MGMT: variants seen among roughly 807,000 people sequenced by gnomAD.
MGMT encodes the protein methylated-DNA--protein-cysteine methyltransferase.
MGMT carries 14 observed loss-of-function variants against 15.9 expected under a neutral mutation model. The observed-to-expected ratio is 0.88, with a 90% CI of 0.58 to 1.37. The LOEUF is 1.37. MGMT is among the 40% of genes most tolerant of loss of function. MGMT has a pLI of 0.00. For synonymous variants in MGMT, 130 were observed against 118.2 expected (o/e 1.10, Z -0.65); for missense variants, 282 against 268.1 (o/e 1.05, Z -0.36).
At chr10:129,695,329 CACTGTGTTT>C (rs1470432509) in intron 2 of MGMT, among the ~76,000 whole-genome samples, 1 of 152,176 alleles carries the variant, frequency 6.6e-6, no homozygotes, top group African/African-American at 2.4e-5. Flanking sequence ...TTAAAAACTC[CACTGTGTTT>C]CATAATAGGG....
chr10:129,729,319 G>A (rs559347876), intron 3 of MGMT, among the ~76,000 whole-genome samples: 2 of 152,328 alleles, frequency 1.3e-5, no homozygotes, highest in African/African-American at 4.8e-5. Context: ...CCAGCCAGGA[G>A]AGCAGCAGGT....
At chr10:129,570,513 G>C (rs1846405607) in intron 2 of MGMT, among the ~76,000 whole-genome samples, 1 of 152,258 alleles carries the variant, frequency 6.6e-6, no homozygotes, top group South Asian at 2.1e-4. Flanking sequence ...GTTATTTTGT[G>C]AAATATTGTA....
At chr10:129,632,446 A>G (rs1345567000) in intron 2 of MGMT, among the ~76,000 whole-genome samples, 1 of 151,328 alleles carries the variant, frequency 6.6e-6, no homozygotes, top group Non-Finnish European at 1.5e-5. Flanking sequence ...TGAAGCGGGT[A>G]TTTTCACGTG....
chr10:129,618,418 G>A (rs1847053014), intron 2 of MGMT, among the ~76,000 whole-genome samples: 1 of 151,980 alleles, frequency 6.6e-6, no homozygotes, highest in Middle Eastern at 3.2e-3. Flanking sequence ...TGGCTCTGTA[G>A]TAAGTCTTGG....
chr10:129,498,050 C>G (rs996011254), intron 1 of MGMT, among the ~76,000 whole-genome samples: 1 of 152,178 alleles, frequency 6.6e-6, no homozygotes, highest in African/African-American at 2.4e-5. Flanking sequence ...TTTTTTGTGA[C>G]CCTGGACCCT....
chr10:129,724,124 C>T (rs537189923), intron 3 of MGMT, among the ~76,000 whole-genome samples: 10 of 152,302 alleles, frequency 6.6e-5, no homozygotes, highest in East Asian at 1.9e-4. Context: ...TTGGGAATTG[C>T]TTGTATGTCC....
intron 2 of MGMT, among the ~76,000 whole-genome samples, chr10:129,545,119 G>A (rs1336281310): frequency 1.3e-5 from 2 of 152,194 alleles, no homozygotes; most frequent in African/African-American, 4.8e-5. Context: ...AAGAGAAATG[G>A]AGATGGGGTG....
chr10:129,754,197 GT>G (rs1848780320), intron 3 of MGMT, among the ~76,000 whole-genome samples: 1 of 152,134 alleles, frequency 6.6e-6, no homozygotes, highest in African/African-American at 2.4e-5. Flanking sequence ...CAGCTTTTTG[GT>G]TTGCTTCCAT....
chr10:129,540,522 C>A (rs1564846569), intron 2 of MGMT, among the ~76,000 whole-genome samples: 1 of 152,184 alleles, frequency 6.6e-6, no homozygotes, highest in East Asian at 1.9e-4. Flanking sequence ...GTCTTCCTCA[C>A]TGTGTGGAAT....
At position 129,524,582 on chromosome 10, in the gene MGMT, C is replaced by CTTT. The variant is rs66701664; in HGVS notation, c.-12-11634_-12-11632dup. On this transcript the variant is annotated intron_variant, in intron 1 of 4. Transcript: ENST00000651593. ...AGTTACTAAGAAGCTTCCAAAAAGA[C>CTTT]TTTTTTTTTTTTTTTTTTTTTTTTT... Among the ~76,000 whole-genome samples, 413 of 68,082 alleles carry CTTT rather than the reference C, an allele frequency of 6.1e-3. 37 individuals carry two copies. Among genetic ancestry groups the CTTT allele is most frequent in the Non-Finnish European group, 8.1e-3 (299 of 36,710 alleles). The allele number at this position is 68,082 out of a possible 152,430, so 44.7% of individuals were successfully genotyped here.
At chr10:129,563,520 T>G (rs1421812956) in intron 2 of MGMT, among the ~76,000 whole-genome samples, 1 of 152,166 alleles carries the variant, frequency 6.6e-6, no homozygotes, top group African/African-American at 2.4e-5. Context: ...GATAAATGGT[T>G]TTCAATTATG....
chr10:129,665,974 T>C (rs1484796326), intron 2 of MGMT, among the ~76,000 whole-genome samples: 1 of 152,180 alleles, frequency 6.6e-6, no homozygotes, highest in Non-Finnish European at 1.5e-5. Context: ...GTTTGACAAC[T>C]GTACTGTATT....
In MGMT at chr10:129,510,006, G is replaced by A. The variant is rs11596574; in HGVS notation, c.-12-26235G>A. On this transcript the variant is annotated intron_variant, in intron 1 of 4. Transcript: ENST00000651593. ...GAGGTGGGAGCATGGCAAGGTTGCC[G>A]TGCCAGGATGCACAGTGTCCATCTG... Among the ~76,000 whole-genome samples the A allele has an allele frequency of 6.5e-3, 991 of 152,316 alleles. 4 individuals are homozygous for A. Among genetic ancestry groups the A allele is most frequent in the Non-Finnish European group, 9.7e-3 (663 of 68,028 alleles).
intron 2 of MGMT, among the ~76,000 whole-genome samples, chr10:129,600,196 C>T (rs543215750): frequency 2.6e-5 from 4 of 152,288 alleles, no homozygotes; most frequent in African/African-American, 9.6e-5. Flanking sequence ...CCCATCTCTG[C>T]GTCCGCCCAT....
intron 2 of MGMT, among the ~76,000 whole-genome samples, chr10:129,560,933 C>A (rs1251878694): frequency 1.3e-5 from 2 of 149,514 alleles, no homozygotes; most frequent in Non-Finnish European, 3.0e-5. Context: ...ATTTTCTCTC[C>A]AGCTGAATTC....
chr10:129,720,951 A>C (rs1395119707), intron 3 of MGMT, among the ~76,000 whole-genome samples: 1 of 152,096 alleles, frequency 6.6e-6, no homozygotes, highest in Non-Finnish European at 1.5e-5. Flanking sequence ...GGAAAAAAAA[A>C]AAAGCAAGAA....
At chr10:129,490,559 T>C (rs943335799) in intron 1 of MGMT, among the ~76,000 whole-genome samples, 2 of 151,736 alleles carry the variant, frequency 1.3e-5, no homozygotes, top group Non-Finnish European at 3.0e-5. Context: ...GCTATATTTT[T>C]GCACAGTCTA....
chr10:129,727,723 C>T lies in MGMT; in HGVS notation c.274+19680C>T, dbSNP rs1848449369. ...TGCTGTAGGAGATGCAAAGGTGACT[C>T]GCAGCATCCCCCAAGAATGCCTGGG... On this transcript the variant is annotated intron_variant, in intron 3 of 4. Coordinates refer to ENST00000651593, the MANE Select transcript of MGMT (RefSeq NM_002412.5). Among the ~76,000 whole-genome samples, 5 of 152,140 alleles carry T rather than the reference C, an allele frequency of 3.3e-5. No homozygotes were observed. In the South Asian group the frequency reaches 1.0e-3, roughly 31 times the overall value.
At chr10:129,516,839 A>G (rs369853601) in intron 1 of MGMT, among the ~76,000 whole-genome samples, 2 of 152,298 alleles carry the variant, frequency 1.3e-5, no homozygotes, top group African/African-American at 4.8e-5. Flanking sequence ...TCGTTAGCTT[A>G]TGGGTCGCTA....
Sources: allele counts gnomAD v4.1 joint callset (sites outside exome capture counted in the v4.1 genomes callset), GRCh38; gene constraint gnomAD v4.1.1; transcripts MANE v1.5; gene names NCBI Gene and HGNC (gene_info 2026-07-23, HGNC 2026-07-21).